The following GPR39 variants were observed in gnomAD, a reference collection of about 807,000 sequenced individuals.
GPR39 encodes the protein zinc sensing receptor.
A neutral mutation model predicts 18.4 loss-of-function variants in GPR39; 23 were observed. The ratio of observed to expected loss-of-function variants is 1.25; its 90% CI spans 0.90 to 1.77. The LOEUF (loss-of-function observed/expected upper bound fraction) is 1.77. Among genes scored for constraint, GPR39 ranks in the 40% most tolerant of loss-of-function variants. The pLI is 0.00. For synonymous variants in GPR39, 280 were observed against 257.9 expected, an observed-to-expected ratio of 1.09 and a Z score of -0.82; for missense variants, 647 against 602.4, an observed-to-expected ratio of 1.07 and a Z score of -0.78.
intron 1 of GPR39, among the ~76,000 whole-genome samples, chr2:132,445,936 A>G (rs1164929611): frequency 6.6e-6 from 1 of 152,160 alleles, no homozygotes; most frequent in East Asian, 1.9e-4. Flanking sequence ...TATCATGGGC[A>G]TTTCGTCAGT....
chr2:132,535,102 C>T (rs566091170), intron 1 of GPR39, among the ~76,000 whole-genome samples: 2 of 152,210 alleles, frequency 1.3e-5, no homozygotes, highest in Admixed American at 6.5e-5. Flanking sequence ...ATGAGAACTT[C>T]CAGTACTATG....
intron 1 of GPR39, among the ~76,000 whole-genome samples, chr2:132,462,165 T>C (rs901009737): frequency 1.2e-4 from 18 of 152,250 alleles, no homozygotes; most frequent in African/African-American, 4.3e-4. Context: ...TGTACAGCAG[T>C]TTATTAAGTC....
chr2:132,526,892 T>C (rs968976320), intron 1 of GPR39, among the ~76,000 whole-genome samples: 8 of 152,248 alleles, frequency 5.3e-5, no homozygotes, highest in African/African-American at 1.9e-4. Context: ...AATAATGTGC[T>C]AGACCCTTTT....
chr2:132,523,013 C>G (rs1679451337), intron 1 of GPR39, among the ~76,000 whole-genome samples: 1 of 151,432 alleles, frequency 6.6e-6, no homozygotes, highest in South Asian at 2.1e-4. Context: ...GCAGAGCCCT[C>G]TGAAGAGCCT....
chr2:132,638,059 GA>G (rs1281644304), intron 1 of GPR39, among the ~76,000 whole-genome samples: 6 of 151,942 alleles, frequency 3.9e-5, no homozygotes, highest in African/African-American at 1.4e-4. Flanking sequence ...AACATGTACA[GA>G]AAGAGGAGAA....
intron 1 of GPR39, among the ~76,000 whole-genome samples, chr2:132,512,972 C>T (rs1263780320): frequency 6.6e-6 from 1 of 152,140 alleles, no homozygotes; most frequent in Non-Finnish European, 1.5e-5. Context: ...CATGATTCTG[C>T]GGGTTGACTG....
intron 1 of GPR39, among the ~76,000 whole-genome samples, chr2:132,500,171 G>A (rs187491563): frequency 2.0e-5 from 3 of 152,236 alleles, no homozygotes; most frequent in Non-Finnish European, 2.9e-5. Context: ...TGTTCTTAGG[G>A]GGAATGTTTT....
chr2:132,490,614 G>A (rs1681438525), intron 1 of GPR39, among the ~76,000 whole-genome samples: 1 of 151,900 alleles, frequency 6.6e-6, no homozygotes, highest in East Asian at 1.9e-4. Context: ...CAAAGAACAA[G>A]CATTAAGTGA....
chr2:132,623,252 G>C (rs1681477905), intron 1 of GPR39, among the ~76,000 whole-genome samples: 2 of 152,188 alleles, frequency 1.3e-5, no homozygotes, highest in Admixed American at 1.3e-4. Flanking sequence ...TGGAGCCCCT[G>C]GGATGGACGA....
At chr2:132,421,465 A>T (rs1420044587) in intron 1 of GPR39, among the ~76,000 whole-genome samples, 1 of 152,222 alleles carries the variant, frequency 6.6e-6, no homozygotes, top group African/African-American at 2.4e-5. Flanking sequence ...GACAGTCATG[A>T]GGTTATTAAA....
At chr2:132,559,708 G>T (rs537274179) in intron 1 of GPR39, among the ~76,000 whole-genome samples, 2 of 152,024 alleles carry the variant, frequency 1.3e-5, no homozygotes, top group South Asian at 4.1e-4. Flanking sequence ...ACAGCATTTC[G>T]CAGCGTAGTC....
In GPR39 at chr2:132,558,979, A is replaced by G. The variant is rs116744062; in HGVS notation, c.857-86122A>G. Reference sequence around the variant, plus strand: ...GTGTTAAGCCCCAAAAGAAATAGAAAAAAGGCAAAGGACCTGATTTTCATA... The same window carrying G: ...GTGTTAAGCCCCAAAAGAAATAGAAGAAAGGCAAAGGACCTGATTTTCATA... On this transcript the variant is annotated intron_variant, in intron 1 of 1. Coordinates refer to ENST00000329321, the MANE Select transcript of GPR39 (RefSeq NM_001508.3). Among the ~76,000 whole-genome samples, 5 of 152,314 alleles carry G rather than the reference A, an allele frequency of 3.3e-5. No individual in the cohort carries two copies. The South Asian group carries it at 6.2e-4, about 19-fold the overall frequency.
At position 132,605,147 on chromosome 2, in the gene GPR39, C is replaced by T. The variant is rs559690946; in HGVS notation, c.857-39954C>T. 4.3e-4 allele frequency among the ~76,000 whole-genome samples: 65 copies of T among 152,314 alleles called. 1 individual carries two copies. In the South Asian group the frequency reaches 0.013, roughly 31 times the overall value. ...GGTAGAGCTGGGACATGACCTCAGA[C>T]AGCCCGACACCAGACCCTGTGCCTA... On this transcript the variant is annotated intron_variant, in intron 1 of 1. Transcript: ENST00000329321.
rs148080467 is a variant in GPR39, at chr2:132,461,994, C to T, written c.856+44096C>T. On this transcript the variant is annotated intron_variant, in intron 1 of 1. Coordinates refer to ENST00000329321, the MANE Select transcript of GPR39 (RefSeq NM_001508.3). ...CAGGCTGGCTGAGGCCAAGATGCAA[C>T]GCAGTAAGATTACCATGGGCCCGTC... 2.2e-4 allele frequency among the ~76,000 whole-genome samples: 33 copies of T among 152,278 alleles called. 2 individuals are homozygous for T. The highest frequency in any genetic ancestry group is 1.9e-3 in the South Asian group (9 of 4,816).
chr2:132,592,940 C>G (rs952574576), intron 1 of GPR39, among the ~76,000 whole-genome samples: 1 of 152,204 alleles, frequency 6.6e-6, no homozygotes, highest in Non-Finnish European at 1.5e-5. Flanking sequence ...ACCTTCACTT[C>G]TAACCAGCTG....
intron 1 of GPR39, among the ~76,000 whole-genome samples, chr2:132,450,101 A>G (rs1680606384): frequency 1.3e-5 from 2 of 152,204 alleles, no homozygotes; most frequent in Admixed American, 6.5e-5. Flanking sequence ...CTGTTCCAAT[A>G]TACTTTGCTT....
intron 1 of GPR39, among the ~76,000 whole-genome samples, chr2:132,549,996 G>A (rs529387825): frequency 1.4e-5 from 2 of 147,646 alleles, no homozygotes; most frequent in South Asian, 4.5e-4. Context: ...GTCTGTGTGA[G>A]TTGGTGGGAG....
At chr2:132,577,026 T>A (rs1680540793) in intron 1 of GPR39, among the ~76,000 whole-genome samples, 1 of 151,932 alleles carries the variant, frequency 6.6e-6, no homozygotes. Context: ...AGTCTCAAAA[T>A]GAGGTAGACA....
In GPR39 at chr2:132,630,996, C is replaced by T. The variant is rs1573708481; in HGVS notation, c.857-14105C>T. ...AAGTAGTTGGCTGCAGGGTTCTGGC[C>T]ATAGTTGTCTACTGATGCTGGTGAC... On this transcript the variant is annotated intron_variant, in intron 1 of 1. Transcript: ENST00000329321. Among the ~76,000 whole-genome samples the T allele has an allele frequency of 2.0e-5, 3 of 152,016 alleles. No individual in the cohort carries two copies. In the South Asian group the frequency reaches 6.2e-4, roughly 32 times the overall value.
Sources: gnomAD v4.1 joint callset for allele counts (sites outside exome capture counted in the v4.1 genomes callset) on GRCh38, gnomAD v4.1.1 for gene constraint, MANE v1.5 for transcripts, NCBI Gene and HGNC (gene_info 2026-07-23, HGNC 2026-07-21) for gene names.